Variants in TCEA1 observed in about 807,000 individuals in gnomAD.
The protein encoded by TCEA1 is transcription elongation factor A protein 1.
In TCEA1, 21 loss-of-function variants were observed where a neutral mutation model predicts 43.8. That is an observed-to-expected ratio of 0.48 (90% CI 0.34 to 0.69). The LOEUF (loss-of-function observed/expected upper bound fraction) is 0.69. Ranked by LOEUF, TCEA1 falls within the 30% of genes least tolerant of loss-of-function variation. The pLI is 0.01. For synonymous variants in TCEA1, 104 were observed against 117.5 expected (o/e 0.88, Z 0.75); for missense variants, 250 against 365.1 (o/e 0.68, Z 2.57).
rs189953936 is a variant in TCEA1, at chr8:53,997,706, C to G, written c.232+2239G>C. Among the ~76,000 whole-genome samples the G allele has an allele frequency of 4.1e-3, 621 of 152,300 alleles. 4 individuals are homozygous for G. Among genetic ancestry groups the G allele is most frequent in the African/African-American group, 0.014 (592 of 41,564 alleles). The stretch of plus-strand genomic sequence containing the variant: ...TTGAGCCCAAGAGTCCAAGACCAGC[C>G]TTAGCAACATAGTGAGACTCTGTCT... On this transcript the variant is annotated intron_variant, in intron 3 of 9. Coordinates refer to ENST00000521604, the MANE Select transcript of TCEA1 (RefSeq NM_006756.4).
intron 3 of TCEA1, among the ~76,000 whole-genome samples, chr8:53,995,311 A>AAAG (rs1563492236): frequency 2.0e-5 from 3 of 148,550 alleles, no homozygotes; most frequent in African/African-American, 2.5e-5. Context: ...AAAAAAAAAA[A>AAAG]AAAAGAAAAA....
Position 53,988,105 on chromosome 8 carries a change from T to C in TCEA1, c.466+9A>G, listed in dbSNP as rs185529731. Reference sequence around the variant, plus strand: ...CAAAGGACTGAGAAATAACATGCACTGGACTTACCCCCTGTTCGAAGAGCT... The same window carrying C: ...CAAAGGACTGAGAAATAACATGCACCGGACTTACCCCCTGTTCGAAGAGCT... On this transcript the variant is annotated intron_variant, in intron 5 of 9. Transcript: ENST00000521604. 4.0e-5 allele frequency: 64 copies of C among 1,609,832 alleles called. 1 individual carries two copies. Among genetic ancestry groups the C allele is most frequent in the Admixed American group, 1.0e-4 (6 of 59,746 alleles).
chr8:53,976,964 T>C (rs1024274572), intron 8 of TCEA1, among the ~76,000 whole-genome samples: 2 of 152,246 alleles, frequency 1.3e-5, no homozygotes, highest in East Asian at 1.9e-4. Context: ...AGAGATTACA[T>C]GTCTGTAAAC....
Position 53,984,367 on chromosome 8 carries a change from G to A in TCEA1, c.674C>T (p.Ala225Val). Residue 225 changes from alanine (A) to valine (V), a missense_variant, in exon 7 of 10, where the codon GCA becomes GTA. Around this residue, in one of 4 missense-constraint regions of TCEA1, gnomAD observed 46 missense variants for 109.8 expected, o/e 0.42. Coordinates refer to ENST00000521604, the MANE Select transcript of TCEA1 (RefSeq NM_006756.4). ...CTCAGATTCACACATACTCACCTCTGCTGTCATTCTAGCAAATAAGTCAGG... is the reference window on the plus strand; with the variant it reads ...CTCAGATTCACACATACTCACCTCTACTGTCATTCTAGCAAATAAGTCAGG... ...IPPDLFARMT[A>V]EEMASDELKE... 1 of 1,598,362 alleles carries A rather than the reference G, an allele frequency of 6.3e-7. No homozygotes were observed. Among genetic ancestry groups the A allele is most frequent in the Non-Finnish European group, 8.5e-7 (1 of 1,174,198 alleles).
chr8:53,971,839 T>C, intron 8 of TCEA1: 1 of 220,602 alleles, frequency 4.5e-6, no homozygotes, highest in Non-Finnish European at 8.7e-6. Flanking sequence ...CCAAGAAAGC[T>C]AATCAAAAGG....
At chr8:53,988,083 A>G (rs1291280928) in intron 5 of TCEA1, 31 bp downstream of exon 5, 1 of 1,602,632 alleles carries the variant, frequency 6.2e-7, no homozygotes, top group South Asian at 1.1e-5. Context: ...TGGTGACCAA[A>G]GGACTGAGAA....
At position 53,966,847 on chromosome 8, in the gene TCEA1, C is replaced by T. The variant is rs147680453; in HGVS notation, c.*1257G>A. 0.21 allele frequency: 42,087 copies of T among 202,628 alleles called. 6,799 individuals carry two copies. Among genetic ancestry groups the T allele is most frequent in the East Asian group, 0.72 (9,347 of 13,028 alleles). 12.6% of individuals were successfully genotyped at this position (202,628 alleles called of 1,614,324 possible). A position where few individuals can be genotyped will look rare whatever the true frequency, so the allele number is the denominator to read the frequency against. The stretch of plus-strand genomic sequence containing the variant: ...CAAAGCATGTACTGAGGTCTTTCTA[C>T]GGGTGCCTGACAGAATGCAGATTCA... On this transcript the variant is annotated 3_prime_UTR_variant, in exon 10 of 10. Coordinates refer to ENST00000521604, the MANE Select transcript of TCEA1 (RefSeq NM_006756.4).
intron 4 of TCEA1, among the ~76,000 whole-genome samples, chr8:53,992,351 G>A (rs968021386): frequency 2.0e-5 from 3 of 151,938 alleles, no homozygotes; most frequent in Admixed American, 6.6e-5. Context: ...AGTGGCTCAC[G>A]CCTGTAATCC....
intron 9 of TCEA1, 99 bp from the exon 10 acceptor site, chr8:53,968,211 A>T (rs781405552): frequency 1.4e-4 from 139 of 986,890 alleles, no homozygotes; most frequent in Non-Finnish European, 2.0e-4. Context: ...TTTAAAAAAG[A>T]TGCATTTTTG....
chr8:53,998,966 C>A (rs546834730), intron 3 of TCEA1, among the ~76,000 whole-genome samples: 9 of 152,212 alleles, frequency 5.9e-5, no homozygotes, highest in Middle Eastern at 3.4e-3. Context: ...AGGTGGCTCA[C>A]GCCTGTAATC....
chr8:54,003,587 A>G (rs1783281065), intron 2 of TCEA1, among the ~76,000 whole-genome samples: 1 of 152,220 alleles, frequency 6.6e-6, no homozygotes, highest in Admixed American at 6.5e-5. Context: ...AAGACAATTC[A>G]TTGGAGAAAA....
intron 4 of TCEA1, among the ~76,000 whole-genome samples, chr8:53,991,023 T>A (rs1803858122): frequency 6.6e-6 from 1 of 152,170 alleles, no homozygotes; most frequent in Non-Finnish European, 1.5e-5. Flanking sequence ...TCAGTTACTT[T>A]ATCAGACTTC....
intron 1 of TCEA1, among the ~76,000 whole-genome samples, chr8:54,013,576 G>A (rs966395499): frequency 6.6e-6 from 1 of 150,958 alleles, no homozygotes; most frequent in Non-Finnish European, 1.5e-5. Context: ...AGCTACTCAG[G>A]AGGCTGAGGC....
chr8:54,000,758 A>ATTT (rs537952645), intron 2 of TCEA1, among the ~76,000 whole-genome samples: 3,662 of 136,072 alleles, frequency 0.027, 204 homozygotes, highest in African/African-American at 0.095. Context: ...CAAAGCTGGG[A>ATTT]TTTTTTTTTT....
In TCEA1 at chr8:54,022,278, C is replaced by G. The variant is rs1000212019; in HGVS notation, c.-153G>C. On this transcript the variant is annotated 5_prime_UTR_variant, in exon 1 of 10. Coordinates refer to ENST00000521604, the MANE Select transcript of TCEA1 (RefSeq NM_006756.4). ...CCCCCTTCCTTACGAACGAAGCCCG[C>G]GGCGGCGGCGGCGGCGGCGGCGGCT... is the stretch of plus-strand genomic sequence containing the variant. The G allele has an allele frequency of 2.1e-5, 13 of 622,388 alleles. No individual in the cohort carries two copies. Among genetic ancestry groups the G allele is most frequent in the African/African-American group, 1.8e-4 (9 of 50,534 alleles). The allele number at this position is 622,388 out of a possible 1,614,324, so 38.6% of individuals were successfully genotyped here. A position where few individuals can be genotyped will look rare whatever the true frequency, so the allele number is the denominator to read the frequency against.
chr8:53,972,485 T>C (rs1803186604), intron 8 of TCEA1: 1 of 525,446 alleles, frequency 1.9e-6, no homozygotes. Flanking sequence ...CTGCTCCTCG[T>C]GCTGATGACA....
chr8:53,999,205 A>G (rs1443559434), intron 3 of TCEA1, among the ~76,000 whole-genome samples: 4 of 147,356 alleles, frequency 2.7e-5, no homozygotes, highest in Non-Finnish European at 6.0e-5. Context: ...AGCCTGGGCA[A>G]CAGAGTGAGA....
intron 2 of TCEA1, among the ~76,000 whole-genome samples, chr8:54,003,399 A>C (rs1266947864): frequency 6.6e-6 from 1 of 152,220 alleles, no homozygotes; most frequent in African/African-American, 2.4e-5. Context: ...CAAAGGACCC[A>C]AAACAGCCAA....
chr8:53,993,127 ATTTTTTTTT>A (rs11306062), intron 4 of TCEA1, among the ~76,000 whole-genome samples: 10 of 84,182 alleles, frequency 1.2e-4, no homozygotes, highest in African/African-American at 3.4e-4. Flanking sequence ...TACATGGCTA[ATTTTTTTTT>A]TTTTTTTTTT....
Sources: gnomAD v4.1 joint callset for allele counts (sites outside exome capture counted in the v4.1 genomes callset) on GRCh38, gnomAD v4.1.1 for gene constraint, gnomAD v4.1.1 regional missense constraint, MANE v1.5 for transcripts, NCBI Gene and HGNC (gene_info 2026-07-23, HGNC 2026-07-21) for gene names.